F8: variants seen among roughly 807,000 people sequenced by gnomAD.
The protein encoded by F8 is coagulation factor VIII, also known as antihemophilic factor.
Under a neutral mutation model 140.6 loss-of-function variants are expected in F8, and 12 were observed. That is an observed-to-expected ratio of 0.09 (90% CI 0.05 to 0.14). F8 has a LOEUF of 0.14. Among genes scored for constraint, F8 ranks in the 10% least tolerant of loss-of-function variants. The probability of loss-of-function intolerance (pLI) is 1.00; values close to 1 mark genes in which losing one functional copy is unlikely to be tolerated. For synonymous variants in F8, 585 were observed against 614.6 expected, an observed-to-expected ratio of 0.95 and a Z score of 0.71; for missense variants, 1,354 against 1,720.7, an observed-to-expected ratio of 0.79 and a Z score of 3.77.
At chrX:154,855,427 A>C (rs1298227228) in intron 25 of F8, among the ~76,000 whole-genome samples, 1 of 111,585 alleles carries the variant, frequency 9.0e-6, no homozygotes, top group Non-Finnish European at 1.9e-5. Context: ...CAAATGCCAA[A>C]TCTCATCCTG....
At position 154,964,800 on chromosome X, in the gene F8, C is replaced by G. The variant is rs73567706; in HGVS notation, c.1443+1170G>C. Among the ~76,000 whole-genome samples, 889 of 109,643 alleles carry G rather than the reference C, an allele frequency of 8.1e-3. 12 individuals carry two copies. Among genetic ancestry groups the G allele is most frequent in the African/African-American group, 0.028 (840 of 30,132 alleles). ...GGCAGAAAACATAAGTGAAAAAGAT[C>G]CAGAGACATATAAATGAAAAGATTG... On this transcript the variant is annotated intron_variant, in intron 9 of 25. Coordinates refer to ENST00000360256, the MANE Select transcript of F8 (RefSeq NM_000132.4).
intron 25 of F8, among the ~76,000 whole-genome samples, chrX:154,856,569 G>C (rs967922745): frequency 2.7e-5 from 3 of 112,070 alleles, no homozygotes; most frequent in African/African-American, 9.7e-5. Flanking sequence ...AAGTGGAAAA[G>C]TTCTAGGTCA....
At chrX:154,862,441 T>A (rs868993614) in intron 23 of F8, among the ~76,000 whole-genome samples, 6 of 111,386 alleles carry the variant, frequency 5.4e-5, no homozygotes, top group African/African-American at 1.6e-4. Flanking sequence ...GGTACATGGG[T>A]AGGTTTGTTG....
At chrX:154,857,752 C>A (rs2072660422) in intron 25 of F8, among the ~76,000 whole-genome samples, 1 of 112,663 alleles carries the variant, frequency 8.9e-6, no homozygotes, top group Non-Finnish European at 1.9e-5. Flanking sequence ...GTGGACAGAT[C>A]TCTCTGAATG....
chrX:154,934,000 C>T (rs899733177), intron 13 of F8, among the ~76,000 whole-genome samples: 1 of 111,743 alleles, frequency 8.9e-6, no homozygotes, highest in Admixed American at 9.5e-5. Flanking sequence ...CCATAGTTTG[C>T]CCACTCCTGA....
At chrX:154,999,416 G>A in intron 2 of F8, 63 bp downstream of exon 2, 1 of 1,130,616 alleles carries the variant, frequency 8.8e-7, no homozygotes, top group South Asian at 1.8e-5. Flanking sequence ...CAAGATTGGG[G>A]AATCTGTGAT....
intron 9 of F8, among the ~76,000 whole-genome samples, chrX:154,963,449 CATT>C (rs1291845055): frequency 9.0e-6 from 1 of 111,696 alleles, no homozygotes; most frequent in Non-Finnish European, 1.9e-5. Flanking sequence ...ATCAGTCTAT[CATT>C]GTTGGATATT....
rs782235155 is a variant in F8 at position 154,928,727 on chromosome X, G to A, written c.5063C>T (p.Ser1688Leu). Residue 1688 changes from serine to leucine, a missense_variant, in exon 14 of 26, where the codon TCA becomes TTA. Around this residue, in one of 4 missense-constraint regions of F8, gnomAD observed 658 missense variants for 666.5 expected, o/e 0.99. Transcript: ENST00000360256. ...QEEIDYDDTI[S>L]VEMKKEDFDI... ...AAAATCTTCCTTCTTCATTTCAACT[G>A]ATATGGTATCATCATAGTCAATTTC... is the stretch of plus-strand genomic sequence containing the variant. 9 of 1,208,979 alleles carry A rather than the reference G, an allele frequency of 7.4e-6. No homozygotes were observed. Among genetic ancestry groups the A allele is most frequent in the Middle Eastern group, 2.3e-4 (1 of 4,370 alleles).
intron 13 of F8, among the ~76,000 whole-genome samples, chrX:154,936,912 C>T (rs1364486573): frequency 9.0e-6 from 1 of 110,891 alleles, no homozygotes; most frequent in Non-Finnish European, 1.9e-5. Flanking sequence ...AAATCAGCAA[C>T]AGAGAGAGAG....
intron 13 of F8, among the ~76,000 whole-genome samples, chrX:154,937,543 G>A (rs912051335): frequency 1.8e-5 from 2 of 110,003 alleles, no homozygotes; most frequent in Admixed American, 9.8e-5. Context: ...GTATGAAAAC[G>A]GAGACATCAG....
chrX:154,896,534 CACAT>C (rs1176081301), intron 21 of F8, among the ~76,000 whole-genome samples: 5 of 101,825 alleles, frequency 4.9e-5, no homozygotes, highest in African/African-American at 1.8e-4. Context: ...CACACACACA[CACAT>C]ACACACAAAC....
chrX:154,892,933 G>C (rs1275928789), intron 22 of F8, among the ~76,000 whole-genome samples: 2 of 111,669 alleles, frequency 1.8e-5, no homozygotes, highest in African/African-American at 6.5e-5. Flanking sequence ...CAGACTGATA[G>C]AACAGACTCT....
chrX:154,837,513 G>T lies in F8; in HGVS notation c.*84C>A. ...GTGTCTGCTAGGATTTAGCACAAAG[G>T]TAGAAGGCAAGCCAGGGAGGGACAC... On this transcript the variant is annotated 3_prime_UTR_variant, in exon 26 of 26. Transcript: ENST00000360256. 19 of 1,070,853 alleles carry T rather than the reference G, an allele frequency of 1.8e-5. No homozygotes were observed. The highest frequency in any genetic ancestry group is 2.4e-5 in the Non-Finnish European group (19 of 786,355). The allele number at this position is 1,070,853 out of a possible 1,213,427, so 88.3% of individuals were successfully genotyped here.
intron 4 of F8, 63 bp from the exon 5 acceptor site, chrX:154,987,368 T>C: frequency 1.0e-6 from 1 of 958,003 alleles, no homozygotes. Context: ...AAATTGTCAC[T>C]AGGAGGAGAC....
intron 7 of F8, among the ~76,000 whole-genome samples, chrX:154,967,752 C>T (rs2073433029): frequency 8.9e-6 from 1 of 112,060 alleles, no homozygotes; most frequent in Non-Finnish European, 1.9e-5. Context: ...TGACCTATTC[C>T]TCTGTGCCTG....
chrX:155,011,560 C>T (rs1247206388), intron 1 of F8, among the ~76,000 whole-genome samples: 1 of 111,695 alleles, frequency 9.0e-6, no homozygotes, highest in Non-Finnish European at 1.9e-5. Context: ...AAGTATATTC[C>T]GAAGAGAAAT....
intron 22 of F8, among the ~76,000 whole-genome samples, chrX:154,879,768 T>G (rs782545840): frequency 1.8e-5 from 2 of 111,431 alleles, no homozygotes; most frequent in Non-Finnish European, 3.8e-5. Context: ...GGGGGTGGAT[T>G]TCCCCTTGCT....
At position 154,929,911 on chromosome X, in the gene F8, T is replaced by G; in HGVS notation, c.3879A>C (p.Glu1293Asp). 1 of 1,211,696 alleles carries G rather than the reference T, an allele frequency of 8.3e-7. No homozygotes were observed. Among genetic ancestry groups the G allele is most frequent in the South Asian group, 1.8e-5 (1 of 56,986 alleles). The change falls in exon 14 of 26, where the codon GAA (glutamate) becomes GAC (aspartate). Residue 1293 changes from glutamate (E) to aspartate (D), a missense_variant. By Grantham distance (45) the Glu-to-Asp change is conservative. Around this residue, in one of 4 missense-constraint regions of F8, gnomAD observed 658 missense variants for 666.5 expected, o/e 0.99. Coordinates refer to ENST00000360256, the MANE Select transcript of F8 (RefSeq NM_000132.4). ...GATTTCCCAAGCCTTCCAAGTTTTC[T>G]TCCTCCCCTTTTTTTGAGAAATGAG... Reference protein sequence around the residue: ...HTAHFSKKGEEENLEGLGNQT... With the variant: ...HTAHFSKKGEDENLEGLGNQT...
intron 14 of F8, chrX:154,919,493 A>T: frequency 3.0e-6 from 1 of 338,107 alleles, no homozygotes. Context: ...CCATCATACA[A>T]TCTGGCTTTC....
Sources: gnomAD v4.1 joint callset for allele counts (sites outside exome capture counted in the v4.1 genomes callset) on GRCh38, gnomAD v4.1.1 for gene constraint, gnomAD v4.1.1 regional missense constraint, MANE v1.5 for transcripts, NCBI Gene and HGNC (gene_info 2026-07-23, HGNC 2026-07-21) for gene names.